NBPF11: variants seen among roughly 807,000 people sequenced by gnomAD.
The protein encoded by NBPF11 is NBPF member 11.
In NBPF11, 72 loss-of-function variants were observed where a neutral mutation model predicts 93.9. The ratio of observed to expected loss-of-function variants is 0.77; its 90% CI spans 0.63 to 0.93. The LOEUF is 0.93. Among genes scored for constraint, NBPF11 ranks in the 40% least tolerant of loss-of-function variants. The pLI is 0.00. For missense variants in NBPF11, 705 were observed against 802.2 expected (o/e 0.88, Z 1.46); for synonymous variants, 224 against 304.9 (o/e 0.73, Z 2.76).
Position 148,103,752 on chromosome 1 carries a change from G to C in NBPF11, c.*144C>G. 3 of 1,611,788 alleles carry C rather than the reference G, an allele frequency of 1.9e-6. No homozygotes were observed. The highest frequency in any genetic ancestry group is 4.5e-5 in the East Asian group (2 of 44,882). ...GTAAAAAACCTATTGTCCATGTCAAGGGCAAAGCTGATGTGCTGTTCCTCA... is the reference window on the plus strand; with the variant it reads ...GTAAAAAACCTATTGTCCATGTCAACGGCAAAGCTGATGTGCTGTTCCTCA... On this transcript the variant is annotated 3_prime_UTR_variant, in exon 24 of 24. Transcript: ENST00000682118.
intron 20 of NBPF11, among the ~76,000 whole-genome samples, chr1:148,106,521 C>A (rs1274064273): frequency 1.4e-5 from 2 of 138,524 alleles, no homozygotes; most frequent in African/African-American, 5.9e-5. Flanking sequence ...AAAGAAAATG[C>A]CCCAGAGGAT....
intron 17 of NBPF11, among the ~76,000 whole-genome samples, 188 bp from the exon 18 acceptor site, chr1:148,108,842 G>GACACACACAC (rs71270029): frequency 0.057 from 6,387 of 112,810 alleles, 254 homozygotes; most frequent in Non-Finnish European, 0.075. Context: ...GAAAGAGAAA[G>GACACACACAC]ACACACACAC....
intron 1 of NBPF11, among the ~76,000 whole-genome samples, chr1:148,145,401 G>A (rs1298830875): frequency 1.4e-4 from 20 of 139,486 alleles, no homozygotes; most frequent in East Asian, 6.8e-4. Flanking sequence ...TAGTAGAGAC[G>A]GGGTTTCACC....
Position 148,152,148 on chromosome 1 carries a change from C to T in NBPF11, c.-947G>A, listed in dbSNP as rs1648546326. 1 of 152,172 alleles carries T rather than the reference C, an allele frequency of 6.6e-6. No individual in the cohort carries two copies. Among genetic ancestry groups the T allele is most frequent in the African/African-American group, 2.4e-5 (1 of 41,330 alleles). The allele number at this position is 152,172 out of a possible 1,614,324, so 9.4% of individuals were successfully genotyped here. ...GGGAAAATCCCTCTCTCCCCTCCGC[C>T]TCTCTTTCAAAGCACCAGCCCTTGA... On this transcript the variant is annotated 5_prime_UTR_variant, in exon 1 of 24. Transcript: ENST00000682118.
chr1:148,131,418 G>T (rs1670319229), intron 4 of NBPF11, among the ~76,000 whole-genome samples: 1 of 151,932 alleles, frequency 6.6e-6, no homozygotes, highest in Non-Finnish European at 1.5e-5. Flanking sequence ...CAAGATAAGG[G>T]CCCCCAGCAC....
At chr1:148,109,564 A>G (rs1228971408) in intron 16 of NBPF11, among the ~76,000 whole-genome samples, 8 of 147,178 alleles carry the variant, frequency 5.4e-5, no homozygotes, top group Admixed American at 4.7e-4. Flanking sequence ...TATTTTCCCT[A>G]TGTGCTCTGT....
At chr1:148,129,083 CACACGTGTATATATATATATAATATATAT>C (rs1669746480) in intron 4 of NBPF11, among the ~76,000 whole-genome samples, 2 of 121,586 alleles carry the variant, frequency 1.6e-5, no homozygotes, top group Admixed American at 8.6e-5. Flanking sequence ...ACCAACATGG[CACACGTGTATATATATATATAATATATAT>C]ACACGTGTAT....
chr1:148,108,386 A>T, intron 18 of NBPF11, 96 bp downstream of exon 18: 1 of 808,974 alleles, frequency 1.2e-6, no homozygotes, highest in South Asian at 1.4e-5. Flanking sequence ...TGTGGCAATG[A>T]CATCTCTCAG....
At position 148,103,725 on chromosome 1, in the gene NBPF11, A is replaced by G; in HGVS notation, c.*171T>C. On this transcript the variant is annotated 3_prime_UTR_variant, in exon 24 of 24. Coordinates refer to ENST00000682118, the MANE Select transcript of NBPF11 (RefSeq NM_001385469.3). Reference sequence around the variant, plus strand: ...ACCAGGTGGAGACTTCTCACCGTCAAAGTAAAAAACCTATTGTCCATGTCA... The same window carrying G: ...ACCAGGTGGAGACTTCTCACCGTCAGAGTAAAAAACCTATTGTCCATGTCA... The G allele has an allele frequency of 6.2e-7, 1 of 1,611,506 alleles. No homozygotes were observed. The highest frequency in any genetic ancestry group is 1.1e-5 in the South Asian group (1 of 90,990).
At chr1:148,124,185 C>G (rs1668540466) in intron 6 of NBPF11, 118 bp from the exon 7 acceptor site, 1 of 758,178 alleles carries the variant, frequency 1.3e-6, no homozygotes, top group African/African-American at 1.8e-5. Flanking sequence ...AGAAGGTCAG[C>G]ACATGTTGAA....
chr1:148,123,231 C>T (rs1335029661), intron 7 of NBPF11, among the ~76,000 whole-genome samples: 1 of 152,054 alleles, frequency 6.6e-6, no homozygotes, highest in African/African-American at 2.4e-5. Flanking sequence ...CACAGGCCCT[C>T]CATGTGGCTT....
chr1:148,116,173 TG>T (rs1418544595), intron 13 of NBPF11, among the ~76,000 whole-genome samples, 175 bp from the exon 14 acceptor site: 1 of 151,878 alleles, frequency 6.6e-6, no homozygotes, highest in Non-Finnish European at 1.5e-5. Context: ...AGAGCATGGC[TG>T]CCATGGGAAC....
At chr1:148,120,433 C>G (rs1413811096) in intron 10 of NBPF11, 68 bp downstream of exon 10, 3 of 803,634 alleles carry the variant, frequency 3.7e-6, no homozygotes, top group Admixed American at 3.4e-5. Context: ...GGAGAGAGCA[C>G]TTAGTTTCTC....
rs1407331948 is a variant in NBPF11 at position 148,124,054 on chromosome 1, G to C, written c.292C>G (p.Leu98Val). Residue 98 changes from leucine to valine, a missense_variant, in exon 7 of 24, where the codon CTG (leucine) becomes GTG (valine). Physicochemically the swap from Leu to Val is conservative, Grantham distance 32. Transcript: ENST00000682118. ...AGCTCTCGTTCCTGAGAGTGAACCA[G>C]GACTTTATATTGCCTAAGGTGAGAC... ...QAEELRQYKVLVHSQERELTQ... is the reference protein window; with the variant it reads ...QAEELRQYKVVVHSQERELTQ... 6.5e-5 allele frequency: 104 copies of C among 1,600,174 alleles called. No homozygotes were observed. The highest frequency in any genetic ancestry group is 8.0e-5 in the Non-Finnish European group (93 of 1,169,590).
rs1201252874 is a variant in NBPF11 at position 148,108,110 on chromosome 1, A to G, written c.2027-348T>C. 1.9e-4 allele frequency among the ~76,000 whole-genome samples: 28 copies of G among 149,376 alleles called. 2 individuals carry two copies. Among genetic ancestry groups the G allele is most frequent in the African/African-American group, 6.9e-4 (28 of 40,520 alleles). On this transcript the variant is annotated intron_variant, in intron 18 of 23. Transcript: ENST00000682118. ...ACTATTCAGCCCTGTCTCATCAAAT[A>G]CTCAGATTGTTCATGGTAGTGAGGA... is the stretch of plus-strand genomic sequence containing the variant.
intron 5 of NBPF11, among the ~76,000 whole-genome samples, chr1:148,125,305 C>T (rs1668851182): frequency 6.6e-6 from 1 of 151,944 alleles, no homozygotes; most frequent in Non-Finnish European, 1.5e-5. Context: ...TGCGGGGCCA[C>T]TTTCCCAAGC....
intron 5 of NBPF11, among the ~76,000 whole-genome samples, chr1:148,126,533 A>C (rs1208186237): frequency 5.3e-5 from 8 of 152,010 alleles, no homozygotes; most frequent in Admixed American, 4.6e-4. Context: ...AGGATCTTAT[A>C]TGGTACAGAG....
intron 4 of NBPF11, among the ~76,000 whole-genome samples, chr1:148,131,553 T>A (rs1670342411): frequency 7.1e-6 from 1 of 141,486 alleles, no homozygotes; most frequent in Admixed American, 7.3e-5. Flanking sequence ...CACTTCCACA[T>A]ACACATATAG....
Position 148,127,826 on chromosome 1 carries a change from T to G in NBPF11, c.-35-788A>C, listed in dbSNP as rs1176990516. 9.2e-5 allele frequency among the ~76,000 whole-genome samples: 14 copies of G among 151,596 alleles called. No homozygotes were observed. The Middle Eastern group carries it at 0.014, about 147-fold the overall frequency. On this transcript the variant is annotated intron_variant, in intron 4 of 23. Transcript: ENST00000682118. ...CCCGGCTAATTTTTCTTTTTTTTTT[T>G]TTTGTATTTTTAGTAGAGACGGGGT...
Sources: allele counts gnomAD v4.1 joint callset (sites outside exome capture counted in the v4.1 genomes callset), GRCh38; gene constraint gnomAD v4.1.1; transcripts MANE v1.5; gene names NCBI Gene and HGNC (gene_info 2026-07-23, HGNC 2026-07-21).